NRG3: variants seen among roughly 807,000 people sequenced by gnomAD.
The protein encoded by NRG3 is neuregulin 3.
NRG3 carries 31 observed loss-of-function variants against 66.9 expected under a neutral mutation model. That is an observed-to-expected ratio of 0.46 (90% CI 0.35 to 0.63). The LOEUF (loss-of-function observed/expected upper bound fraction) is 0.63, where lower values mean the gene tolerates loss of function less well. Among genes scored for constraint, NRG3 ranks in the 20% least tolerant of loss-of-function variants. The probability of loss-of-function intolerance (pLI) is 0.00; values close to 1 mark genes in which losing one functional copy is unlikely to be tolerated. For synonymous variants in NRG3, 393 were observed against 359.4 expected (o/e 1.09, Z -1.06); for missense variants, 910 against 878.9 (o/e 1.04, Z -0.45).
At chr10:82,801,724 GA>G (rs1333219126) in intron 3 of NRG3, among the ~76,000 whole-genome samples, 76 of 152,310 alleles carry the variant, frequency 5.0e-4, no homozygotes, top group African/African-American at 1.7e-3. Flanking sequence ...GACACTATTT[GA>G]AGAGTACGCA....
rs1012239966 is a variant in NRG3 at position 82,212,404 on chromosome 10, A to C, written c.824-146335A>C. Among the ~76,000 whole-genome samples the C allele has an allele frequency of 2.0e-5, 3 of 152,318 alleles. No homozygotes were observed. The South Asian group carries it at 6.2e-4, about 32-fold the overall frequency. ...CTCTCATCATGATTCCACACACTTT[A>C]ATTTCAACTACTGTTTTGAACTTAA... is the stretch of plus-strand genomic sequence containing the variant. On this transcript the variant is annotated intron_variant, in intron 1 of 8. Transcript: ENST00000372141.
chr10:82,891,623 T>G (rs1214547275), intron 4 of NRG3, among the ~76,000 whole-genome samples: 4 of 152,210 alleles, frequency 2.6e-5, no homozygotes, highest in South Asian at 4.1e-4. Context: ...TTTTATATAT[T>G]GAGTTTATAG....
intron 2 of NRG3, among the ~76,000 whole-genome samples, chr10:82,683,461 A>T (rs539339615): frequency 1.3e-5 from 2 of 152,304 alleles, no homozygotes; most frequent in South Asian, 2.1e-4. Context: ...CCTAACAAAC[A>T]TATAATATTC....
intron 2 of NRG3, among the ~76,000 whole-genome samples, chr10:82,497,619 C>T (rs1009189167): frequency 6.6e-6 from 1 of 151,940 alleles, no homozygotes; most frequent in African/African-American, 2.4e-5. Context: ...AAAATAGAAC[C>T]ACACTTTCAT....
At chr10:82,077,543 A>T (rs1299823621) in intron 1 of NRG3, among the ~76,000 whole-genome samples, 1 of 152,224 alleles carries the variant, frequency 6.6e-6, no homozygotes, top group Non-Finnish European at 1.5e-5. Context: ...AACTTCTGTT[A>T]GAGCTTTGCT....
intron 1 of NRG3, among the ~76,000 whole-genome samples, chr10:82,346,015 G>A (rs1308244700): frequency 2.0e-5 from 3 of 152,012 alleles, no homozygotes; most frequent in Admixed American, 6.6e-5. Context: ...TGCAAACAGG[G>A]ACAATTTGAT....
intron 1 of NRG3, among the ~76,000 whole-genome samples, chr10:82,047,782 T>G (rs1368985505): frequency 2.6e-5 from 4 of 151,632 alleles, no homozygotes; most frequent in Admixed American, 2.6e-4. Flanking sequence ...GACTAAATGC[T>G]CCAATTAAAA....
At chr10:82,360,149 T>C (rs1429071459) in intron 2 of NRG3, among the ~76,000 whole-genome samples, 1 of 152,206 alleles carries the variant, frequency 6.6e-6, no homozygotes, top group East Asian at 1.9e-4. Context: ...ACCCTATTCC[T>C]ATGCTCTGCA....
intron 1 of NRG3, among the ~76,000 whole-genome samples, chr10:82,219,428 G>T (rs192726528): frequency 6.2e-4 from 94 of 151,938 alleles, no homozygotes; most frequent in African/African-American, 2.1e-3. Flanking sequence ...TGGGAAAGAT[G>T]AATCTATTTT....
intron 2 of NRG3, among the ~76,000 whole-genome samples, chr10:82,554,826 T>C (rs1337200580): frequency 1.3e-5 from 2 of 152,194 alleles, no homozygotes; most frequent in African/African-American, 2.4e-5. Flanking sequence ...CCTCTACATA[T>C]TGATGTTAAG....
intron 1 of NRG3, among the ~76,000 whole-genome samples, chr10:82,015,380 T>C (rs979727750): frequency 4.6e-5 from 7 of 152,198 alleles, no homozygotes; most frequent in Non-Finnish European, 8.8e-5. Flanking sequence ...AGAATAATAC[T>C]GTTTGCAATC....
At chr10:82,014,274 C>A (rs1362638064) in intron 1 of NRG3, among the ~76,000 whole-genome samples, 1 of 152,162 alleles carries the variant, frequency 6.6e-6, no homozygotes, top group African/African-American at 2.4e-5. Flanking sequence ...AACTCCTCAA[C>A]ATTTCTGTGA....
chr10:82,918,643 C>A (rs1846113982), intron 4 of NRG3, among the ~76,000 whole-genome samples: 1 of 152,112 alleles, frequency 6.6e-6, no homozygotes, highest in Non-Finnish European at 1.5e-5. Flanking sequence ...GTTCAGCTAA[C>A]CGTTAAAGAT....
At chr10:82,041,766 T>C (rs550072122) in intron 1 of NRG3, among the ~76,000 whole-genome samples, 53 of 151,784 alleles carry the variant, frequency 3.5e-4, no homozygotes, top group Non-Finnish European at 7.5e-4. Flanking sequence ...CCTTCTTTCC[T>C]TCTTTTCTTC....
At chr10:82,836,108 G>A (rs960462382) in intron 3 of NRG3, among the ~76,000 whole-genome samples, 14 of 152,112 alleles carry the variant, frequency 9.2e-5, no homozygotes, top group African/African-American at 3.1e-4. Flanking sequence ...TCAAATGTCA[G>A]TGTCTGTAAA....
intron 1 of NRG3, among the ~76,000 whole-genome samples, chr10:81,994,572 C>A (rs904075990): frequency 6.6e-6 from 1 of 151,726 alleles, no homozygotes; most frequent in African/African-American, 2.4e-5. Context: ...GGATAGATAG[C>A]ATGTCGAATA....
At chr10:82,215,070 C>T (rs922862712) in intron 1 of NRG3, among the ~76,000 whole-genome samples, 5 of 152,148 alleles carry the variant, frequency 3.3e-5, no homozygotes, top group African/African-American at 9.7e-5. Flanking sequence ...ACATCTCTGA[C>T]ATTCATCATT....
At chr10:82,201,649 G>A (rs944091528) in intron 1 of NRG3, among the ~76,000 whole-genome samples, 3 of 151,990 alleles carry the variant, frequency 2.0e-5, no homozygotes, top group Non-Finnish European at 4.4e-5. Flanking sequence ...GGTAAAGGGG[G>A]TATCTTTGCA....
At chr10:82,824,105 AT>A (rs1311888824) in intron 3 of NRG3, among the ~76,000 whole-genome samples, 32 of 152,116 alleles carry the variant, frequency 2.1e-4, no homozygotes, top group African/African-American at 7.7e-4. Context: ...TGTTTCAGAC[AT>A]TTTATTTTAC....
Sources: gnomAD v4.1 joint callset for allele counts (sites outside exome capture counted in the v4.1 genomes callset) on GRCh38, gnomAD v4.1.1 for gene constraint, MANE v1.5 for transcripts, NCBI Gene and HGNC (gene_info 2026-07-23, HGNC 2026-07-21) for gene names.